The following CADM2 variants were observed in gnomAD, a reference collection of about 807,000 sequenced individuals.
The protein encoded by CADM2 is cell adhesion molecule 2, also known as immunoglobulin superfamily member 4D.
In CADM2, 12 loss-of-function variants were observed where a neutral mutation model predicts 49.8. The ratio of observed to expected loss-of-function variants is 0.24; its 90% CI spans 0.15 to 0.39. The LOEUF is 0.39. Among genes scored for constraint, CADM2 ranks in the 10% least tolerant of loss-of-function variants. The pLI, the probability that CADM2 is intolerant of heterozygous loss-of-function variation, is 1.00. For missense variants in CADM2, 378 were observed against 492.3 expected (o/e 0.77, Z 2.20); for synonymous variants, 214 against 175.4 (o/e 1.22, Z -1.74).
intron 3 of CADM2, among the ~76,000 whole-genome samples, chr3:85,843,156 G>C (rs773460257): frequency 2.0e-5 from 3 of 151,946 alleles, no homozygotes; most frequent in Non-Finnish European, 4.4e-5. Context: ...AATGCATTTT[G>C]GAAAAACATG....
chr3:85,495,020 A>G (rs1301908416), intron 1 of CADM2, among the ~76,000 whole-genome samples: 1 of 152,142 alleles, frequency 6.6e-6, no homozygotes, highest in Non-Finnish European at 1.5e-5. Context: ...ATTTTTTCTA[A>G]CACCTCTGTG....
chr3:85,534,206 T>C (rs2061378951), intron 1 of CADM2, among the ~76,000 whole-genome samples: 1 of 152,214 alleles, frequency 6.6e-6, no homozygotes, highest in East Asian at 1.9e-4. Context: ...TTTCTTGGAA[T>C]GTTAATGTTT....
intron 1 of CADM2, among the ~76,000 whole-genome samples, chr3:85,025,010 TA>T (rs912352269): frequency 6.4e-4 from 97 of 150,500 alleles, no homozygotes; most frequent in Middle Eastern, 6.8e-3. Flanking sequence ...TATTCAGCCT[TA>T]AAAAAAAACA....
At chr3:86,065,576 A>G (rs1480699312) in intron 8 of CADM2, 29 bp from the exon 9 acceptor site, 1 of 1,598,262 alleles carries the variant, frequency 6.3e-7, no homozygotes, top group Non-Finnish European at 8.5e-7. Context: ...AACACATTAA[A>G]TAGAACAATA....
chr3:85,381,706 T>C lies in CADM2; in HGVS notation c.62-344816T>C, dbSNP rs1576453682. Among the ~76,000 whole-genome samples, 3 of 151,952 alleles carry C rather than the reference T, an allele frequency of 2.0e-5. No homozygotes were observed. In the East Asian group the frequency reaches 5.8e-4, roughly 29 times the overall value. ...TTATACACTATCCACCTCCTAAAAA[T>C]ATTGAGCTCCTCAGTTTCAGCTGTC... On this transcript the variant is annotated intron_variant, in intron 1 of 9. Coordinates refer to ENST00000383699, the MANE Select transcript of CADM2 (RefSeq NM_001167675.2).
chr3:85,802,845 G>A (rs2072137378), intron 3 of CADM2, among the ~76,000 whole-genome samples: 1 of 152,010 alleles, frequency 6.6e-6, no homozygotes, highest in South Asian at 2.1e-4. Flanking sequence ...GCACACAAAT[G>A]TCTAAGCTTT....
chr3:85,286,505 C>A (rs1389721622), intron 1 of CADM2, among the ~76,000 whole-genome samples: 1 of 151,934 alleles, frequency 6.6e-6, no homozygotes, highest in Admixed American at 6.6e-5. Flanking sequence ...TGAATTCAGC[C>A]CAAATGTCTT....
intron 1 of CADM2, among the ~76,000 whole-genome samples, chr3:85,653,777 G>T (rs1396675766): frequency 6.6e-6 from 1 of 152,072 alleles, no homozygotes; most frequent in Non-Finnish European, 1.5e-5. Flanking sequence ...CTGTACAAGT[G>T]CTGAAACACC....
intron 2 of CADM2, among the ~76,000 whole-genome samples, chr3:85,796,311 T>C (rs2071618087): frequency 6.6e-6 from 1 of 152,184 alleles, no homozygotes; most frequent in African/African-American, 2.4e-5. Context: ...TTATTTCTTC[T>C]TTCTGTCTTA....
intron 8 of CADM2, among the ~76,000 whole-genome samples, chr3:86,011,213 CAAT>C (rs1421651919): frequency 1.3e-5 from 2 of 151,874 alleles, no homozygotes; most frequent in African/African-American, 4.8e-5. Context: ...AATTTTACTG[CAAT>C]ATTAATGCAA....
intron 1 of CADM2, among the ~76,000 whole-genome samples, chr3:85,625,526 G>T (rs1198759662): frequency 2.0e-5 from 3 of 151,186 alleles, no homozygotes; most frequent in Non-Finnish European, 4.4e-5. Context: ...TAGATTTATT[G>T]AAAAAAGTAC....
chr3:85,735,749 G>A (rs2107808743), intron 2 of CADM2, among the ~76,000 whole-genome samples: 1 of 151,568 alleles, frequency 6.6e-6, no homozygotes, highest in South Asian at 2.1e-4. Flanking sequence ...TGTTTGTTTT[G>A]TGTGTGTGTT....
chr3:85,447,132 T>C (rs1328899964), intron 1 of CADM2, among the ~76,000 whole-genome samples: 1 of 150,760 alleles, frequency 6.6e-6, no homozygotes, highest in African/African-American at 2.4e-5. Flanking sequence ...GTGTTTTTTG[T>C]ATTGCTATAT....
At chr3:85,542,503 A>G (rs1197959497) in intron 1 of CADM2, among the ~76,000 whole-genome samples, 1 of 152,174 alleles carries the variant, frequency 6.6e-6, no homozygotes, top group African/African-American at 2.4e-5. Context: ...CAGGCTTTTA[A>G]TGAATCTTTA....
chr3:85,833,942 C>G (rs1297393016), intron 3 of CADM2, among the ~76,000 whole-genome samples: 4 of 151,550 alleles, frequency 2.6e-5, no homozygotes, highest in Non-Finnish European at 5.9e-5. Context: ...CTGTAGATGG[C>G]TTTGAGTAGT....
At chr3:85,196,852 TAA>T (rs1388536305) in intron 1 of CADM2, among the ~76,000 whole-genome samples, 1 of 152,014 alleles carries the variant, frequency 6.6e-6, no homozygotes, top group Non-Finnish European at 1.5e-5. Flanking sequence ...GTGGTGACCA[TAA>T]TGGTAGACAA....
At chr3:85,384,295 T>G (rs1317470253) in intron 1 of CADM2, among the ~76,000 whole-genome samples, 1 of 152,106 alleles carries the variant, frequency 6.6e-6, no homozygotes, top group Non-Finnish European at 1.5e-5. Flanking sequence ...GGGTGTTAAA[T>G]TTTTCTTTTT....
chr3:85,561,927 C>T (rs1457440133), intron 1 of CADM2, among the ~76,000 whole-genome samples: 2 of 151,714 alleles, frequency 1.3e-5, no homozygotes, highest in Non-Finnish European at 2.9e-5. Flanking sequence ...AGAAAATAAG[C>T]AAGAAAGAAT....
intron 8 of CADM2, among the ~76,000 whole-genome samples, chr3:86,018,612 A>T (rs1437727730): frequency 6.6e-6 from 1 of 152,118 alleles, no homozygotes; most frequent in Non-Finnish European, 1.5e-5. Context: ...TTTGATTTGC[A>T]TTTCTTGATG....
Sources: gnomAD v4.1 joint callset for allele counts (sites outside exome capture counted in the v4.1 genomes callset) on GRCh38, gnomAD v4.1.1 for gene constraint, MANE v1.5 for transcripts, NCBI Gene and HGNC (gene_info 2026-07-23, HGNC 2026-07-21) for gene names.